AFF3: variants seen among roughly 807,000 people sequenced by gnomAD.
AFF3 encodes AF4/FMR2 family member 3.
A neutral mutation model predicts 129.7 loss-of-function variants in AFF3; 32 were observed. The ratio of observed to expected loss-of-function variants is 0.25; its 90% CI spans 0.19 to 0.33. The LOEUF is 0.33. Ranked by LOEUF, AFF3 falls within the 10% of genes least tolerant of loss-of-function variation. The probability of loss-of-function intolerance (pLI) is 1.00; values close to 1 mark genes in which losing one functional copy is unlikely to be tolerated. For missense variants in AFF3, 1,373 were observed against 1,592.0 expected (o/e 0.86, Z 2.34); for synonymous variants, 644 against 635.4 (o/e 1.01, Z -0.20).
chr2:99,741,522 G>A (rs1340391768), intron 10 of AFF3, among the ~76,000 whole-genome samples: 2 of 152,106 alleles, frequency 1.3e-5, no homozygotes, highest in African/African-American at 4.8e-5. Context: ...GGGACGTGAA[G>A]GACCTCTTCA....
intron 13 of AFF3, among the ~76,000 whole-genome samples, chr2:99,638,954 C>T (rs1483377879): frequency 2.0e-5 from 3 of 152,142 alleles, no homozygotes; most frequent in Non-Finnish European, 4.4e-5. Context: ...TCTGCAGGCT[C>T]GTGGGAATTG....
Position 99,713,268 on chromosome 2 carries a change from ATTT to A in AFF3, c.1091+13806_1091+13808del, listed in dbSNP as rs3073380. On this transcript the variant is annotated intron_variant, in intron 11 of 24. Coordinates refer to ENST00000672756, the MANE Select transcript of AFF3 (RefSeq NM_001386135.1). ...TGTTATGTGTATTCTGCCAGAGTTAATTTTTTTTTTTTTTTTTTTGAGACAGAG... is the reference window on the plus strand; with the variant it reads ...TGTTATGTGTATTCTGCCAGAGTTAATTTTTTTTTTTTTTTTGAGACAGAG... Among the ~76,000 whole-genome samples, 894 of 126,278 alleles carry A rather than the reference ATTT, an allele frequency of 7.1e-3. 10 individuals carry two copies. The highest frequency in any genetic ancestry group is 0.02 in the African/African-American group (681 of 33,336). 82.8% of individuals were successfully genotyped at this position (126,278 alleles called of 152,430 possible).
At chr2:99,884,464 T>C (rs1267080375) in intron 7 of AFF3, among the ~76,000 whole-genome samples, 1 of 152,204 alleles carries the variant, frequency 6.6e-6, no homozygotes, top group Non-Finnish European at 1.5e-5. Flanking sequence ...AGTGGCATGA[T>C]CTCGGCTCAC....
rs114413690 is a variant in AFF3, at chr2:100,066,909, C to A, written c.53+37493G>T. ...CGCAAGGAAAACTAGAGGAGAACTG[C>A]GCAATACTGTACTAACATTTTAGAG... On this transcript the variant is annotated intron_variant, in intron 4 of 24. Transcript: ENST00000672756. Among the ~76,000 whole-genome samples, 406 of 152,234 alleles carry A rather than the reference C, an allele frequency of 2.7e-3. 1 individual carries two copies. Among genetic ancestry groups the A allele is most frequent in the Middle Eastern group, 0.01 (3 of 294 alleles).
intron 8 of AFF3, among the ~76,000 whole-genome samples, chr2:99,829,446 A>C (rs981630514): frequency 6.6e-6 from 1 of 152,238 alleles, no homozygotes; most frequent in African/African-American, 2.4e-5. Flanking sequence ...ACAAGAAAAA[A>C]ACAACCCCAT....
Position 99,669,139 on chromosome 2 carries a change from A to T in AFF3, c.1143+3399T>A, listed in dbSNP as rs183903541. ...TAATTTACTAAAGTTGAACATGCAC[A>T]TACCCTACTGCTCAGCATTTATACT... On this transcript the variant is annotated intron_variant, in intron 12 of 24. Coordinates refer to ENST00000672756, the MANE Select transcript of AFF3 (RefSeq NM_001386135.1). 3.3e-5 allele frequency among the ~76,000 whole-genome samples: 5 copies of T among 152,312 alleles called. No homozygotes were observed. In the East Asian group the frequency reaches 5.8e-4, roughly 18 times the overall value.
intron 11 of AFF3, among the ~76,000 whole-genome samples, chr2:99,708,662 C>A (rs1471028628): frequency 6.6e-6 from 1 of 152,130 alleles, no homozygotes; most frequent in Non-Finnish European, 1.5e-5. Flanking sequence ...TATTAGAAAA[C>A]CCAATAGAAT....
chr2:99,677,616 G>T (rs1674117172), intron 11 of AFF3, among the ~76,000 whole-genome samples: 3 of 152,208 alleles, frequency 2.0e-5, no homozygotes, highest in Admixed American at 2.0e-4. Flanking sequence ...CATGCAGGGA[G>T]AGCGGGCCTT....
chr2:100,095,894 CAG>C (rs1690242008), intron 4 of AFF3, among the ~76,000 whole-genome samples: 5 of 152,188 alleles, frequency 3.3e-5, no homozygotes, highest in Admixed American at 2.6e-4. Context: ...GGTAACGGCG[CAG>C]AGAGAAGAAG....
intron 11 of AFF3, among the ~76,000 whole-genome samples, chr2:99,722,009 G>C (rs1400751260): frequency 2.6e-5 from 4 of 152,078 alleles, no homozygotes; most frequent in Non-Finnish European, 5.9e-5. Context: ...TTACTGATAT[G>C]AGTTTAAGTT....
chr2:100,014,541 C>T (rs145223477), intron 4 of AFF3, among the ~76,000 whole-genome samples: 3 of 152,170 alleles, frequency 2.0e-5, no homozygotes, highest in African/African-American at 7.2e-5. Context: ...AAGAAGGGCA[C>T]CAATTCACAA....
chr2:99,710,744 T>G (rs2104864662), intron 11 of AFF3, among the ~76,000 whole-genome samples: 1 of 152,322 alleles, frequency 6.6e-6, no homozygotes, highest in East Asian at 1.9e-4. Context: ...TTTGGATATT[T>G]CAGTCATTTA....
At chr2:99,718,504 A>T (rs1451287768) in intron 11 of AFF3, among the ~76,000 whole-genome samples, 1 of 152,124 alleles carries the variant, frequency 6.6e-6, no homozygotes, top group Non-Finnish European at 1.5e-5. Flanking sequence ...TGACCTTTAT[A>T]AGTTTACTTA....
At chr2:99,898,764 C>T (rs143039729) in intron 7 of AFF3, among the ~76,000 whole-genome samples, 183 of 152,278 alleles carry the variant, frequency 1.2e-3, no homozygotes, top group African/African-American at 4.3e-3. Flanking sequence ...ATTTTTCAGT[C>T]ATACATTTTC....
intron 18 of AFF3, chr2:99,572,648 AT>A (rs1220812655): frequency 2.4e-5 from 11 of 455,908 alleles, no homozygotes; most frequent in South Asian, 1.5e-4. Context: ...TACCAAATGA[AT>A]TCATCATCTG....
intron 7 of AFF3, among the ~76,000 whole-genome samples, chr2:99,988,075 T>C (rs1680024033): frequency 1.3e-5 from 2 of 152,094 alleles, no homozygotes; most frequent in Non-Finnish European, 1.5e-5. Flanking sequence ...ACTGAAAATA[T>C]AATATGATGG....
chr2:99,581,476 C>T (rs1459215241), intron 17 of AFF3, among the ~76,000 whole-genome samples: 1 of 152,116 alleles, frequency 6.6e-6, no homozygotes, highest in Non-Finnish European at 1.5e-5. Context: ...GTGTTACACA[C>T]TGCTCCCTCC....
intron 7 of AFF3, among the ~76,000 whole-genome samples, chr2:99,880,066 G>C (rs967844536): frequency 3.3e-5 from 5 of 152,214 alleles, no homozygotes; most frequent in Non-Finnish European, 7.3e-5. Context: ...AGTATTAGCA[G>C]CAAGGATCGT....
intron 7 of AFF3, among the ~76,000 whole-genome samples, chr2:99,943,589 T>C (rs2106352001): frequency 6.6e-6 from 1 of 152,340 alleles, no homozygotes; most frequent in African/African-American, 2.4e-5. Context: ...AAACTATGAC[T>C]TTATCAAGTG....
Sources: gnomAD v4.1 joint callset for allele counts (sites outside exome capture counted in the v4.1 genomes callset) on GRCh38, gnomAD v4.1.1 for gene constraint, MANE v1.5 for transcripts, NCBI Gene and HGNC (gene_info 2026-07-23, HGNC 2026-07-21) for gene names.